The following DNM1L variants were observed in gnomAD, a reference collection of about 807,000 sequenced individuals.
DNM1L encodes the protein dynamin 1L, also known as dynamin-1-like protein.
In DNM1L, 33 loss-of-function variants were observed where a neutral mutation model predicts 92.8. The ratio of observed to expected loss-of-function variants is 0.36; its 90% CI spans 0.27 to 0.48. The LOEUF (loss-of-function observed/expected upper bound fraction) is 0.48. DNM1L is among the 20% of genes least tolerant of loss of function. The pLI, the probability that DNM1L is intolerant of heterozygous loss-of-function variation, is 0.99. For synonymous variants in DNM1L, 284 were observed against 305.0 expected (o/e 0.93, Z 0.72); for missense variants, 485 against 888.8 (o/e 0.55, Z 5.78).
intron 1 of DNM1L, 145 bp downstream of exon 1, chr12:32,679,610 G>C: frequency 7.3e-7 from 1 of 1,361,220 alleles, no homozygotes; most frequent in Non-Finnish European, 9.5e-7. Flanking sequence ...GGGGGCCCCA[G>C]GGCTCTCCGG....
intron 1 of DNM1L, among the ~76,000 whole-genome samples, chr12:32,693,288 T>C (rs772939557): frequency 3.3e-5 from 5 of 152,240 alleles, no homozygotes; most frequent in African/African-American, 4.8e-5. Context: ...GGTTTTGTTT[T>C]GTGAGTTTTT....
At chr12:32,741,669 G>A (rs11052210) in intron 18 of DNM1L, among the ~76,000 whole-genome samples, 21,516 of 152,130 alleles carry the variant, frequency 0.14, 1,570 homozygotes, top group Middle Eastern at 0.18. Context: ...AACAGACCAC[G>A]TATTTGAATG....
intron 2 of DNM1L, among the ~76,000 whole-genome samples, chr12:32,703,292 A>G (rs900000684): frequency 6.6e-6 from 1 of 151,972 alleles, no homozygotes; most frequent in Admixed American, 6.6e-5. Context: ...AAATCTGCCT[A>G]CCTACTGTTT....
intron 2 of DNM1L, among the ~76,000 whole-genome samples, chr12:32,704,923 T>C (rs903647302): frequency 6.6e-6 from 1 of 152,160 alleles, no homozygotes; most frequent in Non-Finnish European, 1.5e-5. Flanking sequence ...AAAGATGTAT[T>C]TAGTATATTT....
chr12:32,694,978 G>A (rs888650315), intron 1 of DNM1L, among the ~76,000 whole-genome samples: 1 of 152,016 alleles, frequency 6.6e-6, no homozygotes, highest in Non-Finnish European at 1.5e-5. Context: ...AGGGACTAGC[G>A]CTCCTTCATG....
At chr12:32,738,041 A>T in intron 15 of DNM1L, 99 bp downstream of exon 15, 1 of 1,344,746 alleles carries the variant, frequency 7.4e-7, no homozygotes, top group African/African-American at 1.4e-5. Context: ...TTAATATGGG[A>T]TACTGTGCTA....
intron 13 of DNM1L, among the ~76,000 whole-genome samples, chr12:32,736,562 T>C (rs1954896354): frequency 6.6e-6 from 1 of 152,232 alleles, no homozygotes; most frequent in Non-Finnish European, 1.5e-5. Flanking sequence ...GTCAACACTA[T>C]TTCCTGGAGG....
At chr12:32,716,073 T>C (rs1278882107) in intron 6 of DNM1L, among the ~76,000 whole-genome samples, 2 of 152,150 alleles carry the variant, frequency 1.3e-5, no homozygotes, top group East Asian at 1.9e-4. Flanking sequence ...TAAAAAGGAA[T>C]GGACTATTAA....
At chr12:32,736,919 G>A in intron 13 of DNM1L, 186 bp from the exon 14 acceptor site, 1 of 605,994 alleles carries the variant, frequency 1.7e-6, no homozygotes, top group Non-Finnish European at 2.8e-6. Flanking sequence ...AAAAAAAAAA[G>A]ATTAAGAAGC....
intron 2 of DNM1L, chr12:32,705,587 A>G (rs1952890520): frequency 2.5e-6 from 1 of 396,180 alleles, no homozygotes; most frequent in Non-Finnish European, 4.4e-6. Context: ...CTTTGTTTCT[A>G]TGACTTAAAA....
intron 9 of DNM1L, chr12:32,727,034 A>C: frequency 1.4e-6 from 1 of 737,016 alleles, no homozygotes; most frequent in Non-Finnish European, 2.5e-6. Flanking sequence ...CAACATTCTT[A>C]AAAACAGGTA....
intron 1 of DNM1L, among the ~76,000 whole-genome samples, chr12:32,682,137 G>T (rs1393878982): frequency 6.9e-6 from 1 of 145,858 alleles, no homozygotes; most frequent in Non-Finnish European, 1.5e-5. Flanking sequence ...AATCACTTTG[G>T]TTTTTTTTTT....
intron 9 of DNM1L, 141 bp downstream of exon 9, chr12:32,722,774 GA>G: frequency 1.5e-6 from 1 of 656,296 alleles, no homozygotes; most frequent in Non-Finnish European, 2.6e-6. Context: ...GAGATAATAG[GA>G]TGATGTCTGG....
At position 32,744,274 on chromosome 12, in the gene DNM1L, C is replaced by T. The variant is rs547878726; in HGVS notation, c.*864C>T. On this transcript the variant is annotated 3_prime_UTR_variant, in exon 20 of 20. Transcript: ENST00000549701. ...GTACATCTCTAAAGTGGAGCACTTA[C>T]ACCAGGCTCTAAGATTCACTTTGAG... 1.3e-5 allele frequency: 2 copies of T among 152,490 alleles called. No homozygotes were observed. The highest frequency in any genetic ancestry group is 4.1e-4 in the South Asian group (2 of 4,840). 9.4% of individuals were successfully genotyped at this position (152,490 alleles called of 1,614,324 possible).
chr12:32,719,035 T>TCAAC (rs1462960531), intron 7 of DNM1L, among the ~76,000 whole-genome samples: 2 of 151,992 alleles, frequency 1.3e-5, no homozygotes, highest in Non-Finnish European at 2.9e-5. Context: ...CATTGTAGCA[T>TCAAC]CAACCTCTGG....
At chr12:32,727,437 A>T in intron 9 of DNM1L, 1 of 652,178 alleles carries the variant, frequency 1.5e-6, no homozygotes, top group Non-Finnish European at 2.9e-6. Flanking sequence ...CTGTGCAGGC[A>T]GTGACTCAGG....
intron 9 of DNM1L, chr12:32,725,384 G>A (rs1421841557): frequency 6.6e-6 from 1 of 152,196 alleles, no homozygotes; most frequent in East Asian, 1.9e-4. Context: ...AAGAAAAGAT[G>A]CTTAGTTAAT....
Position 32,718,516 on chromosome 12 carries a change from A to T in DNM1L, c.620-127A>T, listed in dbSNP as rs566385243. ...GCACTGGTAAGTAAGGCATTACCAAAATGATGACAGAGGTAATACTAAGTG... is the reference window on the plus strand; with the variant it reads ...GCACTGGTAAGTAAGGCATTACCAATATGATGACAGAGGTAATACTAAGTG... On this transcript the variant is annotated intron_variant, in intron 6 of 19. Coordinates refer to ENST00000549701, the MANE Select transcript of DNM1L (RefSeq NM_012062.5). The T allele has an allele frequency of 1.9e-4, 229 of 1,188,620 alleles. No individual in the cohort carries two copies. In the South Asian group the frequency reaches 2.2e-3, roughly 12 times the overall value. 73.6% of individuals were successfully genotyped at this position (1,188,620 alleles called of 1,614,324 possible). A position where few individuals can be genotyped will look rare whatever the true frequency, so the allele number is the denominator to read the frequency against.
rs1955508623 is a variant in DNM1L at position 32,744,290 on chromosome 12, T to G, written c.*880T>G. On this transcript the variant is annotated 3_prime_UTR_variant, in exon 20 of 20. Coordinates refer to ENST00000549701, the MANE Select transcript of DNM1L (RefSeq NM_012062.5). ...GAGCACTTACACCAGGCTCTAAGAT[T>G]CACTTTGAGGTGGAACTTAAAACCA... is the stretch of plus-strand genomic sequence containing the variant. 2 of 152,398 alleles carry G rather than the reference T, an allele frequency of 1.3e-5. No individual in the cohort carries two copies. Among genetic ancestry groups the G allele is most frequent in the East Asian group, 1.9e-4 (1 of 5,204 alleles). 9.4% of individuals were successfully genotyped at this position (152,398 alleles called of 1,614,324 possible).
Sources: gnomAD v4.1 joint callset for allele counts (sites outside exome capture counted in the v4.1 genomes callset) on GRCh38, gnomAD v4.1.1 for gene constraint, MANE v1.5 for transcripts, NCBI Gene and HGNC (gene_info 2026-07-23, HGNC 2026-07-21) for gene names.